Variants in PDE10A observed in about 807,000 individuals in gnomAD.
PDE10A encodes phosphodiesterase 10A, also known as cAMP and cAMP-inhibited cGMP 3',5'-cyclic phosphodiesterase 10A.
Under a neutral mutation model 97.7 loss-of-function variants are expected in PDE10A, and 39 were observed. That is an observed-to-expected ratio of 0.40 (90% confidence interval 0.31 to 0.52). The LOEUF (loss-of-function observed/expected upper bound fraction) is 0.52, where lower values mean the gene tolerates loss of function less well. Ranked by LOEUF, PDE10A falls within the 20% of genes least tolerant of loss-of-function variation. The pLI, the probability that PDE10A is intolerant of heterozygous loss-of-function variation, is 0.56. For missense variants in PDE10A, 731 were observed against 1,047.8 expected (o/e 0.70, Z 4.17); for synonymous variants, 371 against 376.8 (o/e 0.98, Z 0.18).
intron 1 of PDE10A, among the ~76,000 whole-genome samples, chr6:165,549,582 C>T (rs1313300919): frequency 1.3e-5 from 2 of 152,158 alleles, no homozygotes; most frequent in African/African-American, 2.4e-5. Context: ...CCTTGGCCTC[C>T]CGAAGTGCTG....
At chr6:165,717,787 A>G (rs575916967) in intron 1 of PDE10A, among the ~76,000 whole-genome samples, 117 of 152,184 alleles carry the variant, frequency 7.7e-4, no homozygotes, top group African/African-American at 2.7e-3. Flanking sequence ...TCTTTTATTT[A>G]TTGTTTTGTT....
At chr6:165,366,028 A>G (rs1161949820) in intron 18 of PDE10A, among the ~76,000 whole-genome samples, 1 of 152,202 alleles carries the variant, frequency 6.6e-6, no homozygotes, top group Non-Finnish European at 1.5e-5. Flanking sequence ...CAAAATTAGA[A>G]AATTTAAAAA....
chr6:165,896,960 A>G (rs1323317636), intron 1 of PDE10A, among the ~76,000 whole-genome samples: 1 of 151,954 alleles, frequency 6.6e-6, no homozygotes. Flanking sequence ...ATGAGCCACC[A>G]CCCCTGGCCT....
At chr6:165,549,482 G>A (rs1302956536) in intron 1 of PDE10A, among the ~76,000 whole-genome samples, 1 of 151,982 alleles carries the variant, frequency 6.6e-6, no homozygotes, top group Non-Finnish European at 1.5e-5. Flanking sequence ...CTGCCACCAC[G>A]CCCGGCCAAT....
intron 1 of PDE10A, among the ~76,000 whole-genome samples, chr6:165,677,721 T>C (rs1790839173): frequency 6.6e-6 from 1 of 152,132 alleles, no homozygotes; most frequent in Admixed American, 6.5e-5. Flanking sequence ...CTCTACCCCA[T>C]GAGGGACACT....
intron 18 of PDE10A, among the ~76,000 whole-genome samples, chr6:165,344,430 G>A (rs1049651934): frequency 2.0e-5 from 3 of 152,144 alleles, no homozygotes; most frequent in African/African-American, 7.2e-5. Flanking sequence ...TGAGTGAGAC[G>A]ATGCTCTTAC....
intron 1 of PDE10A, among the ~76,000 whole-genome samples, chr6:165,563,533 T>C (rs1359236215): frequency 6.6e-6 from 1 of 152,148 alleles, no homozygotes; most frequent in Non-Finnish European, 1.5e-5. Flanking sequence ...ATTATACCTC[T>C]AACTCATGGC....
At chr6:165,343,157 A>T (rs1479030819) in intron 19 of PDE10A, among the ~76,000 whole-genome samples, 1 of 152,224 alleles carries the variant, frequency 6.6e-6, no homozygotes, top group African/African-American at 2.4e-5. Context: ...TTCAGTGAGT[A>T]AGTTCCTAAA....
intron 1 of PDE10A, among the ~76,000 whole-genome samples, chr6:165,714,610 C>T (rs1791980969): frequency 6.6e-6 from 1 of 152,232 alleles, no homozygotes; most frequent in Admixed American, 6.5e-5. Context: ...ACCCCATTCG[C>T]AGCCCATCCA....
intron 1 of PDE10A, among the ~76,000 whole-genome samples, chr6:165,947,613 G>C (rs9457123): frequency 0.16 from 24,368 of 152,210 alleles, 2,131 homozygotes; most frequent in Non-Finnish European, 0.19. Context: ...TAATGAGTTG[G>C]TTTAGTAGTC....
At chr6:165,454,466 G>T (rs577243572) in intron 3 of PDE10A, among the ~76,000 whole-genome samples, 1 of 152,208 alleles carries the variant, frequency 6.6e-6, no homozygotes, top group African/African-American at 2.4e-5. Flanking sequence ...GACCTTAAGA[G>T]ATGATTAGGT....
At chr6:165,567,470 T>G (rs889836260) in intron 1 of PDE10A, among the ~76,000 whole-genome samples, 1 of 152,186 alleles carries the variant, frequency 6.6e-6, no homozygotes, top group African/African-American at 2.4e-5. Context: ...TGTCAAAATG[T>G]TCTTCAACTA....
intron 3 of PDE10A, among the ~76,000 whole-genome samples, chr6:165,471,001 C>G (rs1404233270): frequency 2.0e-5 from 3 of 152,112 alleles, no homozygotes; most frequent in Admixed American, 6.5e-5. Flanking sequence ...AGGTAAAACT[C>G]CATAAAACAA....
intron 18 of PDE10A, among the ~76,000 whole-genome samples, chr6:165,367,799 TA>T (rs113551461): frequency 4.0e-5 from 6 of 149,924 alleles, no homozygotes; most frequent in Non-Finnish European, 5.9e-5. Flanking sequence ...ATTCTTAGAT[TA>T]AAAAAAAACA....
intron 18 of PDE10A, among the ~76,000 whole-genome samples, chr6:165,351,867 T>C (rs1162673632): frequency 6.6e-6 from 1 of 152,216 alleles, no homozygotes; most frequent in African/African-American, 2.4e-5. Flanking sequence ...TTGAGAATTT[T>C]TTTTGAGACT....
intron 1 of PDE10A, among the ~76,000 whole-genome samples, chr6:165,905,452 C>T (rs984933550): frequency 6.6e-6 from 1 of 152,054 alleles, no homozygotes; most frequent in Non-Finnish European, 1.5e-5. Context: ...CATTAAGAAT[C>T]TTGTCCATAT....
chr6:165,585,736 C>T (rs895321266), intron 1 of PDE10A, among the ~76,000 whole-genome samples: 4 of 152,104 alleles, frequency 2.6e-5, no homozygotes, highest in African/African-American at 7.2e-5. Flanking sequence ...TAAGCCACAA[C>T]GTTTGTGGCA....
At chr6:165,541,745 G>T (rs1023499903) in intron 2 of PDE10A, among the ~76,000 whole-genome samples, 1 of 152,190 alleles carries the variant, frequency 6.6e-6, no homozygotes, top group South Asian at 2.1e-4. Context: ...TTTCTTTAAG[G>T]TTAGTCTTGA....
chr6:165,816,376 G>A (rs991438301), intron 1 of PDE10A, among the ~76,000 whole-genome samples: 4 of 152,182 alleles, frequency 2.6e-5, no homozygotes, highest in African/African-American at 4.8e-5. Flanking sequence ...GCTAGTTCCC[G>A]TAAGGGATTC....
Sources: gnomAD v4.1 joint callset for allele counts (sites outside exome capture counted in the v4.1 genomes callset) on GRCh38, gnomAD v4.1.1 for gene constraint, MANE v1.5 for transcripts, NCBI Gene and HGNC (gene_info 2026-07-23, HGNC 2026-07-21) for gene names.